GPSM2: variants seen among roughly 807,000 people sequenced by gnomAD.
The protein encoded by GPSM2 is G protein signaling modulator 2.
Under a neutral mutation model 78.4 loss-of-function variants are expected in GPSM2, and 58 were observed. The ratio of observed to expected loss-of-function variants is 0.74; its 90% CI spans 0.60 to 0.92. The LOEUF is 0.92. GPSM2 is among the 40% of genes least tolerant of loss of function. The probability of loss-of-function intolerance (pLI) is 0.00; values close to 1 mark genes in which losing one functional copy is unlikely to be tolerated. For synonymous variants in GPSM2, 224 were observed against 280.2 expected (o/e 0.80, Z 2.00); for missense variants, 700 against 815.5 (o/e 0.86, Z 1.73).
Position 108,917,635 on chromosome 1 carries a change from T to C in GPSM2, c.1264-978T>C, listed in dbSNP as rs1214600640. 4.8e-3 allele frequency among the ~76,000 whole-genome samples: 97 copies of C among 20,342 alleles called. 7 individuals carry two copies. Among genetic ancestry groups the C allele is most frequent in the African/African-American group, 0.012 (32 of 2,596 alleles). The allele number at this position is 20,342 out of a possible 152,430, so 13.3% of individuals were successfully genotyped here. A position where few individuals can be genotyped will look rare whatever the true frequency, so the allele number is the denominator to read the frequency against. ...ACATATATATATATATATATATATA[T>C]ATATATATATATATATATATATATA... On this transcript the variant is annotated intron_variant, in intron 11 of 14. Transcript: ENST00000264126.
In GPSM2 at chr1:108,931,564, T is replaced by A. The variant is rs532969537; in HGVS notation, c.*1624T>A. The A allele has an allele frequency of 6.8e-7, 1 of 1,475,904 alleles. No individual in the cohort carries two copies. The highest frequency in any genetic ancestry group is 9.0e-7 in the Non-Finnish European group (1 of 1,105,950). The allele number at this position is 1,475,904 out of a possible 1,614,324, so 91.4% of individuals were successfully genotyped here. On this transcript the variant is annotated 3_prime_UTR_variant, in exon 15 of 15. Coordinates refer to ENST00000264126, the MANE Select transcript of GPSM2 (RefSeq NM_013296.5). Reference sequence around the variant, plus strand: ...TGATTTGGATGGGCAAATAGAACTATTTCTCTAATGGCCAATGTTTTTTAA... The same window carrying A: ...TGATTTGGATGGGCAAATAGAACTAATTCTCTAATGGCCAATGTTTTTTAA...
chr1:108,905,967 C>G (rs1395579308), intron 10 of GPSM2, among the ~76,000 whole-genome samples: 1 of 152,192 alleles, frequency 6.6e-6, no homozygotes, highest in Non-Finnish European at 1.5e-5. Context: ...CATCCAGTTA[C>G]TTGGCTTTTA....
At chr1:108,912,180 A>G (rs1649804883) in intron 10 of GPSM2, among the ~76,000 whole-genome samples, 2 of 152,194 alleles carry the variant, frequency 1.3e-5, no homozygotes, top group African/African-American at 4.8e-5. Flanking sequence ...ACACATCACA[A>G]TTATTTTGTG....
At chr1:108,924,568 C>CT (rs1367495737) in intron 14 of GPSM2, among the ~76,000 whole-genome samples, 1 of 151,962 alleles carries the variant, frequency 6.6e-6, no homozygotes, top group Non-Finnish European at 1.5e-5. Flanking sequence ...GGGGGAGTGT[C>CT]TGTTTTAGGT....
chr1:108,884,212 G>T (rs1647344173), intron 1 of GPSM2, among the ~76,000 whole-genome samples: 1 of 152,106 alleles, frequency 6.6e-6, no homozygotes, highest in Admixed American at 6.5e-5. Flanking sequence ...AAAGTGCTGG[G>T]ATTACAGGCA....
At position 108,924,171 on chromosome 1, in the gene GPSM2, A is replaced by G. The variant is rs1386317868; in HGVS notation, c.1772A>G (p.Lys591Arg). The G allele has an allele frequency of 6.8e-6, 11 of 1,613,970 alleles. No individual in the cohort carries two copies. The highest frequency in any genetic ancestry group is 7.6e-6 in the Non-Finnish European group (9 of 1,179,828). ...AGCCACCTGATGACTAATGACAACA[A>G]AGAGGCTGATGAAGATTTCTTTGAC... ...VLSHLMTNDN[K>R]EADEDFFDIL... Residue 591 changes from lysine to arginine, a missense_variant, in exon 14 of 15, where the codon AAA becomes AGA. Lys to Arg is a conservative substitution (Grantham distance 26, BLOSUM62 2). Coordinates refer to ENST00000264126, the MANE Select transcript of GPSM2 (RefSeq NM_013296.5).
chr1:108,927,218 T>C (rs1278862045), intron 14 of GPSM2, among the ~76,000 whole-genome samples: 1 of 152,200 alleles, frequency 6.6e-6, no homozygotes, highest in Non-Finnish European at 1.5e-5. Context: ...TTCGATACTA[T>C]CCAAAGTGAC....
chr1:108,928,008 G>A (rs1477938118), intron 14 of GPSM2, among the ~76,000 whole-genome samples: 4 of 152,124 alleles, frequency 2.6e-5, no homozygotes, highest in African/African-American at 4.8e-5. Context: ...GTTTGGCAGT[G>A]ATTTCTTGGT....
In GPSM2 at chr1:108,934,513, T is replaced by C; in HGVS notation, c.*4573T>C. On this transcript the variant is annotated 3_prime_UTR_variant, in exon 15 of 15. Transcript: ENST00000264126. ...TATATAACGTGTTTGTTAATTCTAA[T>C]TGTCAGTAAAAATGTGAATGTTGAA... 1.3e-6 allele frequency: 1 copy of C among 786,052 alleles called. No individual in the cohort carries two copies. 48.7% of individuals were successfully genotyped at this position (786,052 alleles called of 1,614,324 possible).
intron 11 of GPSM2, among the ~76,000 whole-genome samples, chr1:108,917,576 A>T (rs549715896): frequency 0.013 from 1,555 of 123,748 alleles, 13 homozygotes; most frequent in Non-Finnish European, 0.019. Context: ...AAAAAAATTT[A>T]AAAAAAGCAA....
chr1:108,922,269 T>C, intron 12 of GPSM2, 148 bp from the exon 13 acceptor site: 1 of 636,000 alleles, frequency 1.6e-6, no homozygotes, highest in Non-Finnish European at 2.8e-6. Flanking sequence ...TTATTACCAA[T>C]ATTTGCCATC....
chr1:108,929,773 G>C lies in GPSM2; in HGVS notation c.1888G>C (p.Asp630His). ...AAAGGGTCCGACAGTACCAGATGAA[G>C]ACTTTTTCAGCCTTATTTTACGGTC... Reference protein sequence around the residue: ...TTKGPTVPDEDFFSLILRSQG... With the variant: ...TTKGPTVPDEHFFSLILRSQG... Residue 630 changes from aspartate (D) to histidine (H), a missense_variant, in exon 15 of 15, where the codon GAC becomes CAC. Transcript: ENST00000264126. 1.2e-6 allele frequency: 2 copies of C among 1,613,834 alleles called. No homozygotes were observed. The highest frequency in any genetic ancestry group is 1.7e-6 in the Non-Finnish European group (2 of 1,179,726).
chr1:108,878,769 T>A (rs761867516), intron 1 of GPSM2, among the ~76,000 whole-genome samples: 20 of 152,234 alleles, frequency 1.3e-4, no homozygotes, highest in Non-Finnish European at 2.5e-4. Context: ...ACTTTTGTTA[T>A]GTATCAGAGC....
In GPSM2 at chr1:108,929,934, C is replaced by A; in HGVS notation, c.2049C>A (p.Asp683Glu). ...EFKNSGKKSADH is the reference protein window; with the variant it reads ...EFKNSGKKSAEH ...AAAATTCAGGGAAAAAATCGGCAGACCATTAGTTACTATGGATTTATTTTT... is the reference window on the plus strand; with the variant it reads ...AAAATTCAGGGAAAAAATCGGCAGAACATTAGTTACTATGGATTTATTTTT... Residue 683 changes from aspartate to glutamate, a missense_variant, in exon 15 of 15, where the codon GAC becomes GAA. By Grantham distance (45) the Asp-to-Glu change is conservative. Coordinates refer to ENST00000264126, the MANE Select transcript of GPSM2 (RefSeq NM_013296.5). The A allele has an allele frequency of 6.2e-7, 1 of 1,612,652 alleles. No homozygotes were observed.
At chr1:108,914,628 A>T (rs369457934) in intron 11 of GPSM2, among the ~76,000 whole-genome samples, 1 of 152,316 alleles carries the variant, frequency 6.6e-6, no homozygotes, top group East Asian at 1.9e-4. Context: ...TCCTTTGTAG[A>T]TTCCTAAAAC....
intron 12 of GPSM2, among the ~76,000 whole-genome samples, chr1:108,919,646 A>G (rs1650550661): frequency 6.6e-6 from 1 of 152,150 alleles, no homozygotes. Flanking sequence ...TGGAGGTTGC[A>G]GTGAGCTGAG....
At chr1:108,915,417 ATTTCTTTTT>A (rs1386093446) in intron 11 of GPSM2, among the ~76,000 whole-genome samples, 1 of 147,184 alleles carries the variant, frequency 6.8e-6, no homozygotes, top group African/African-American at 2.5e-5. Flanking sequence ...GTATATTTTT[ATTTCTTTTT>A]TTTCTTTTTT....
rs1247200532 is a variant in GPSM2, at chr1:108,896,953, C to T, written c.146C>T (p.Ala49Val). ...CGCGCTGGCGTGTCATTCTTTGAAG[C>T]TGCAGTTCAAGTTGGAACTGAAGAC... The part of the protein sequence containing the change: ...DCRAGVSFFE[A>V]AVQVGTEDLK... Residue 49 changes from alanine (A) to valine (V), a missense_variant, in exon 3 of 15, where the codon GCT (alanine) becomes GTT (valine). Coordinates refer to ENST00000264126, the MANE Select transcript of GPSM2 (RefSeq NM_013296.5). 6.2e-7 allele frequency: 1 copy of T among 1,614,090 alleles called. No individual in the cohort carries two copies. The highest frequency in any genetic ancestry group is 8.5e-7 in the Non-Finnish European group (1 of 1,179,914).
intron 1 of GPSM2, among the ~76,000 whole-genome samples, chr1:108,881,946 A>C (rs563234377): frequency 6.6e-6 from 1 of 152,300 alleles, no homozygotes; most frequent in South Asian, 2.1e-4. Flanking sequence ...ATGGATGAGA[A>C]CAATATTTTG....
Sources: gnomAD v4.1 joint callset for allele counts (sites outside exome capture counted in the v4.1 genomes callset) on GRCh38, gnomAD v4.1.1 for gene constraint, MANE v1.5 for transcripts, NCBI Gene and HGNC (gene_info 2026-07-23, HGNC 2026-07-21) for gene names.